Variants in CALCR observed in about 807,000 individuals in gnomAD.
CALCR encodes calcitonin receptor.
CALCR carries 47 observed loss-of-function variants against 59.5 expected under a neutral mutation model. The observed-to-expected ratio is 0.79, with a 90% confidence interval of 0.63 to 1.01. CALCR has a LOEUF of 1.01. Ranked by LOEUF, CALCR falls within the 50% of genes least tolerant of loss-of-function variation. CALCR has a pLI of 0.00. For synonymous variants in CALCR, 213 were observed against 211.3 expected (o/e 1.01, Z -0.07); for missense variants, 566 against 597.1 (o/e 0.95, Z 0.54).
chr7:93,482,879 T>G (rs1379205896), intron 3 of CALCR: 1 of 532,638 alleles, frequency 1.9e-6, no homozygotes, highest in Non-Finnish European at 3.9e-6. Flanking sequence ...TGTTGTCAGA[T>G]GAGCAGTAAT....
At chr7:93,474,273 G>A (rs1204777055) in intron 5 of CALCR, among the ~76,000 whole-genome samples, 1 of 151,560 alleles carries the variant, frequency 6.6e-6, no homozygotes, top group Non-Finnish European at 1.5e-5. Flanking sequence ...TTATCAGCAG[G>A]ATAAACACAC....
At chr7:93,486,644 AT>A (rs1800950328) in intron 3 of CALCR, among the ~76,000 whole-genome samples, 1 of 151,558 alleles carries the variant, frequency 6.6e-6, no homozygotes. Context: ...TTTACCAACT[AT>A]GTTAATTTCT....
At chr7:93,474,910 CATATGGTA>C (rs1338530114) in intron 5 of CALCR, among the ~76,000 whole-genome samples, 2 of 151,674 alleles carry the variant, frequency 1.3e-5, no homozygotes, top group East Asian at 1.9e-4. Context: ...AAATCAGAAT[CATATGGTA>C]ATATTTGAAG....
chr7:93,551,270 A>G lies in CALCR; in HGVS notation c.-27+23019T>C, dbSNP rs532861618. ...TGCGCCACCTTATGGAGAACTTGTC[A>G]ACTCCTAAGAAATGCGCTCAAGAAC... is the stretch of plus-strand genomic sequence containing the variant. On this transcript the variant is annotated intron_variant, in intron 2 of 13. Transcript: ENST00000426151. Among the ~76,000 whole-genome samples, 5 of 152,312 alleles carry G rather than the reference A, an allele frequency of 3.3e-5. No individual in the cohort carries two copies. The South Asian group carries it at 1.0e-3, about 32-fold the overall frequency.
In CALCR at chr7:93,460,570, A is replaced by ATATAT. The variant is rs35957592; in HGVS notation, c.648+250_648+251insATATA. ...GACTCTATCTAAAAAAAAAAAAAAA[A>ATATAT]AAATATATATATATATATATATGTA... On this transcript the variant is annotated intron_variant, in intron 8 of 13. Transcript: ENST00000426151. 2.5e-3 allele frequency among the ~76,000 whole-genome samples: 185 copies of ATATAT among 73,014 alleles called. 2 individuals are homozygous for ATATAT. The highest frequency in any genetic ancestry group is 5.4e-3 in the East Asian group (12 of 2,232). The allele number at this position is 73,014 out of a possible 152,430, so 47.9% of individuals were successfully genotyped here.
intron 2 of CALCR, among the ~76,000 whole-genome samples, chr7:93,567,500 AT>A (rs1199108888): frequency 2.0e-5 from 3 of 151,904 alleles, no homozygotes; most frequent in African/African-American, 7.3e-5. Context: ...TGATTCAAAA[AT>A]TGCTATATTT....
intron 13 of CALCR, among the ~76,000 whole-genome samples, chr7:93,427,165 T>C (rs1799547730): frequency 6.6e-6 from 1 of 152,226 alleles, no homozygotes; most frequent in African/African-American, 2.4e-5. Context: ...ACTTCTAAAA[T>C]GTAAACAAAC....
chr7:93,538,952 G>A lies in CALCR; in HGVS notation c.-27+35337C>T, dbSNP rs1290482771. 2.6e-5 allele frequency among the ~76,000 whole-genome samples: 4 copies of A among 152,132 alleles called. No individual in the cohort carries two copies. The East Asian group carries it at 5.8e-4, about 22-fold the overall frequency. Reference sequence around the variant, plus strand: ...GGGGATGGTATTATATTCTGAAACAGAATCCTCTAGAGTTTAAGAGTCTCA... The same window carrying A: ...GGGGATGGTATTATATTCTGAAACAAAATCCTCTAGAGTTTAAGAGTCTCA... On this transcript the variant is annotated intron_variant, in intron 2 of 13. Coordinates refer to ENST00000426151, the MANE Select transcript of CALCR (RefSeq NM_001742.4).
At chr7:93,447,633 C>CCTACT (rs1800031303) in intron 8 of CALCR, among the ~76,000 whole-genome samples, 1 of 151,868 alleles carries the variant, frequency 6.6e-6, no homozygotes, top group Non-Finnish European at 1.5e-5. Flanking sequence ...TGGCCTATGT[C>CCTACT]CTACTTTTAA....
intron 2 of CALCR, among the ~76,000 whole-genome samples, chr7:93,514,655 G>A (rs917883641): frequency 1.3e-5 from 2 of 151,956 alleles, no homozygotes. Context: ...TGCACTCAGA[G>A]TAATTACTTA....
At chr7:93,516,759 G>A (rs2116068322) in intron 2 of CALCR, among the ~76,000 whole-genome samples, 1 of 151,838 alleles carries the variant, frequency 6.6e-6, no homozygotes, top group South Asian at 2.1e-4. Flanking sequence ...CAAAATGATC[G>A]ATATATTTCT....
intron 4 of CALCR, among the ~76,000 whole-genome samples, chr7:93,478,096 A>C (rs1287023435): frequency 6.6e-6 from 1 of 151,798 alleles, no homozygotes; most frequent in Non-Finnish European, 1.5e-5. Context: ...TTAAAAAATG[A>C]AAAGAGCTCT....
chr7:93,454,814 A>G (rs541566156), intron 8 of CALCR, among the ~76,000 whole-genome samples: 5 of 151,844 alleles, frequency 3.3e-5, no homozygotes, highest in Non-Finnish European at 7.4e-5. Flanking sequence ...CATTCAGGAG[A>G]TAATATAACT....
chr7:93,428,512 GC>G (rs1387885747), intron 13 of CALCR, among the ~76,000 whole-genome samples: 1 of 152,180 alleles, frequency 6.6e-6, no homozygotes, highest in African/African-American at 2.4e-5. Flanking sequence ...GTCAAAGGAA[GC>G]TGATAGGCCG....
intron 8 of CALCR, 70 bp from the exon 9 acceptor site, chr7:93,443,827 T>C: frequency 7.1e-7 from 1 of 1,412,522 alleles, no homozygotes; most frequent in Non-Finnish European, 9.8e-7. Flanking sequence ...ACAGAGCAAA[T>C]GTGAAAACAA....
intron 2 of CALCR, among the ~76,000 whole-genome samples, chr7:93,517,317 A>ACTTTTTTTTTTTTTTT (rs1191258842): frequency 7.8e-6 from 1 of 127,814 alleles, no homozygotes; most frequent in South Asian, 2.6e-4. Flanking sequence ...TTTTTTTTTA[A>ACTTTTTTTTTTTTTTT]TTTGCTAGCC....
chr7:93,529,697 G>A (rs749053750), intron 2 of CALCR, among the ~76,000 whole-genome samples: 1 of 151,862 alleles, frequency 6.6e-6, no homozygotes, highest in Non-Finnish European at 1.5e-5. Context: ...TTAAAATATT[G>A]GGTCAAGGCA....
At chr7:93,507,681 G>A (rs1801454120) in intron 2 of CALCR, among the ~76,000 whole-genome samples, 1 of 150,668 alleles carries the variant, frequency 6.6e-6, no homozygotes, top group Admixed American at 6.6e-5. Flanking sequence ...GCCGAGGTGG[G>A]TGGATCACGA....
intron 2 of CALCR, among the ~76,000 whole-genome samples, chr7:93,495,451 T>C (rs1801178221): frequency 6.6e-6 from 1 of 151,374 alleles, no homozygotes; most frequent in African/African-American, 2.4e-5. Flanking sequence ...CTAAGGAATG[T>C]CAATCTATAA....
Sources: gnomAD v4.1 joint callset for allele counts (sites outside exome capture counted in the v4.1 genomes callset) on GRCh38, gnomAD v4.1.1 for gene constraint, MANE v1.5 for transcripts, NCBI Gene and HGNC (gene_info 2026-07-23, HGNC 2026-07-21) for gene names.